The following MZT2A variants were observed in gnomAD, a reference collection of about 807,000 sequenced individuals.
The protein encoded by MZT2A is mitotic-spindle organizing protein 2A.
MZT2A carries 8 observed loss-of-function variants against 12.4 expected under a neutral mutation model. That is an observed-to-expected ratio of 0.64 (90% confidence interval 0.38 to 1.16). MZT2A has a LOEUF of 1.16. Ranked by LOEUF, MZT2A falls within the 50% of genes most tolerant of loss-of-function variation. MZT2A has a pLI of 0.01. For missense variants in MZT2A, 181 were observed against 223.6 expected (o/e 0.81, Z 1.22); for synonymous variants, 88 against 107.5 (o/e 0.82, Z 1.12).
chr2:131,480,848 C>T (rs545839386), downstream of MZT2A: 9 of 1,501,472 alleles, frequency 6.0e-6, no homozygotes, highest in Non-Finnish European at 8.1e-6. Flanking sequence ...TATCCCTGTT[C>T]CATGGGCTAG....
downstream of MZT2A, chr2:131,480,845 G>C: frequency 6.6e-7 from 1 of 1,511,716 alleles, no homozygotes; most frequent in South Asian, 1.3e-5. Flanking sequence ...GATTATCCCT[G>C]TTCCATGGGC....
chr2:131,473,540 G>T (rs1216550926), intron 2 of MZT2A, among the ~76,000 whole-genome samples: 1 of 151,048 alleles, frequency 6.6e-6, no homozygotes, highest in Non-Finnish European at 1.5e-5. Flanking sequence ...ATGAGCTGGG[G>T]GTAAGCCAGC....
chr2:131,486,889 T>C (rs1157462301), intron 2 of MZT2A, among the ~76,000 whole-genome samples: 1 of 152,158 alleles, frequency 6.6e-6, no homozygotes, highest in Non-Finnish European at 1.5e-5. Context: ...CCTGGAAATC[T>C]TCAGGAATTG....
At position 131,484,603 on chromosome 2, in the gene MZT2A, CA is replaced by C. The variant is rs528538331; in HGVS notation, c.320-386del. Among the ~76,000 whole-genome samples the C allele has an allele frequency of 2.1e-3, 292 of 142,362 alleles. 1 individual carries two copies. Among genetic ancestry groups the C allele is most frequent in the African/African-American group, 7.3e-3 (272 of 37,042 alleles). 93.4% of individuals were successfully genotyped at this position (142,362 alleles called of 152,430 possible). A position where few individuals can be genotyped will look rare whatever the true frequency, so the allele number is the denominator to read the frequency against. The stretch of plus-strand genomic sequence containing the variant: ...GTGCCATCAGCGGCAGCAGCAGCAG[CA>C]GGGACGCGCTGCCTCATCCTCAAGG... On this transcript the variant is annotated intron_variant, in intron 2 of 2. Coordinates refer to ENST00000309451, the MANE Select transcript of MZT2A (RefSeq NM_001085365.2).
downstream of MZT2A, among the ~76,000 whole-genome samples, chr2:131,483,772 T>C (rs1292617871): frequency 1.3e-5 from 2 of 152,088 alleles, no homozygotes; most frequent in Non-Finnish European, 2.9e-5. Flanking sequence ...AAGTGAAGCT[T>C]GTTGATGTCT....
intron 2 of MZT2A, chr2:131,478,469 C>T: frequency 7.5e-7 from 1 of 1,339,968 alleles, no homozygotes; most frequent in Non-Finnish European, 1.0e-6. Context: ...CCTTTGAATC[C>T]TCCTGCTGAA....
At chr2:131,484,438 G>A (rs1678972832) in intron 2 of MZT2A, among the ~76,000 whole-genome samples, 1 of 152,244 alleles carries the variant, frequency 6.6e-6, no homozygotes, top group African/African-American at 2.4e-5. Context: ...CCTTTAGGAT[G>A]TGTCCTAGGA....
chr2:131,487,076 G>C (rs1052971687), intron 2 of MZT2A, among the ~76,000 whole-genome samples: 4 of 152,142 alleles, frequency 2.6e-5, no homozygotes, highest in African/African-American at 7.2e-5. Context: ...ATTGAACCAA[G>C]TGTGGCTGCA....
intron 2 of MZT2A, among the ~76,000 whole-genome samples, chr2:131,476,812 G>C (rs1367486292): frequency 6.6e-6 from 1 of 151,490 alleles, no homozygotes; most frequent in Non-Finnish European, 1.5e-5. Context: ...ATGCGAGTCT[G>C]TGGTTCCAGC....
At chr2:131,478,670 C>A in intron 2 of MZT2A, 1 of 567,538 alleles carries the variant, frequency 1.8e-6, no homozygotes, top group Non-Finnish European at 3.0e-6. Context: ...CTCAGGTGGC[C>A]CTGCCTGCAG....
intron 2 of MZT2A, among the ~76,000 whole-genome samples, chr2:131,472,499 T>A (rs1678472414): frequency 6.6e-6 from 1 of 152,252 alleles, no homozygotes; most frequent in African/African-American, 2.4e-5. Flanking sequence ...GTGTTACTTT[T>A]ATAATCAGAA....
downstream of MZT2A, chr2:131,480,863 GT>G: frequency 7.0e-7 from 1 of 1,432,170 alleles, no homozygotes; most frequent in Non-Finnish European, 9.4e-7. Context: ...GGCTAGGCAT[GT>G]GGGCATAAAT....
intron 2 of MZT2A, chr2:131,476,133 C>T (rs1487677826): frequency 5.6e-6 from 9 of 1,612,002 alleles, no homozygotes; most frequent in Non-Finnish European, 7.6e-6. Context: ...TGCAGTTGGG[C>T]GCTCAGCAGC....
chr2:131,475,135 TTATTTTTTTG>T (rs1027162241), intron 2 of MZT2A, among the ~76,000 whole-genome samples: 6 of 140,412 alleles, frequency 4.3e-5, no homozygotes, highest in African/African-American at 9.5e-5. Flanking sequence ...TAATTTTATT[TTATTTTTTTG>T]TATTTTTTGT....
chr2:131,474,226 T>C (rs139720593), intron 2 of MZT2A, among the ~76,000 whole-genome samples: 8,926 of 150,310 alleles, frequency 0.059, 311 homozygotes, highest in Non-Finnish European at 0.085. Context: ...GCATCCAGAG[T>C]AGCTGGGACT....
upstream of MZT2A, chr2:131,492,500 G>A (rs6756792): frequency 0.12 from 133,400 of 1,126,692 alleles, 12,107 homozygotes; most frequent in African/African-American, 0.46. Context: ...CGGCGGGAGC[G>A]CGGGGACGGG....
intron 2 of MZT2A, chr2:131,489,425 C>T (rs10171363): frequency 0.016 from 2,417 of 150,684 alleles, 69 homozygotes; most frequent in African/African-American, 0.056. Context: ...AGTGCAGTGG[C>T]GCAATCTTGG....
intron 3 of MZT2A, among the ~76,000 whole-genome samples, chr2:131,471,483 TA>T (rs1338041898): frequency 1.4e-5 from 2 of 147,220 alleles, no homozygotes; most frequent in African/African-American, 5.4e-5. Context: ...AAAAAGAACC[TA>T]ATTGTGTTAT....
intron 2 of MZT2A, among the ~76,000 whole-genome samples, chr2:131,473,246 T>C (rs1678515962): frequency 6.6e-6 from 1 of 152,026 alleles, no homozygotes; most frequent in Non-Finnish European, 1.5e-5. Flanking sequence ...TTCACCCTCC[T>C]GGGGAGAAGG....
Sources: allele counts gnomAD v4.1 joint callset (sites outside exome capture counted in the v4.1 genomes callset), GRCh38; gene constraint gnomAD v4.1.1; transcripts MANE v1.5; gene names NCBI Gene and HGNC (gene_info 2026-07-23, HGNC 2026-07-21).